ADCY9: variants seen among roughly 807,000 people sequenced by gnomAD.
The protein encoded by ADCY9 is adenylate cyclase type 9.
A neutral mutation model predicts 101.5 loss-of-function variants in ADCY9; 50 were observed. The observed-to-expected ratio is 0.49, with a 90% CI of 0.39 to 0.62. The LOEUF (loss-of-function observed/expected upper bound fraction) is 0.62. ADCY9 is among the 20% of genes least tolerant of loss of function. ADCY9 has a pLI of 0.00. For missense variants in ADCY9, 1,662 were observed against 1,800.4 expected (o/e 0.92, Z 1.39); for synonymous variants, 905 against 769.3 (o/e 1.18, Z -2.92).
chr16:3,955,967 A>T (rs2055904242), intron 5 of ADCY9, among the ~76,000 whole-genome samples: 1 of 152,146 alleles, frequency 6.6e-6, no homozygotes, highest in Non-Finnish European at 1.5e-5. Flanking sequence ...CGCTCAAGCG[A>T]TCCTCCCAAC....
At chr16:4,057,953 G>C (rs188876797) in intron 2 of ADCY9, among the ~76,000 whole-genome samples, 2 of 152,190 alleles carry the variant, frequency 1.3e-5, no homozygotes, top group East Asian at 3.9e-4. Context: ...CAGGTCAAGA[G>C]TTCGAGACCA....
rs957340300 is a variant in ADCY9 at position 4,050,867 on chromosome 16, G to A, written c.1694-43309C>T. On this transcript the variant is annotated intron_variant, in intron 2 of 10. Coordinates refer to ENST00000294016, the MANE Select transcript of ADCY9 (RefSeq NM_001116.4). ...AGGAACCAGGGCTTATTGGAGAAATGGCTGATTCCAGGGCTGGAGCAAGGA... is the reference window on the plus strand; with the variant it reads ...AGGAACCAGGGCTTATTGGAGAAATAGCTGATTCCAGGGCTGGAGCAAGGA... Among the ~76,000 whole-genome samples, 4 of 152,156 alleles carry A rather than the reference G, an allele frequency of 2.6e-5. No homozygotes were observed. The East Asian group carries it at 7.7e-4, about 29-fold the overall frequency.
chr16:4,023,689 G>A (rs975583995), intron 2 of ADCY9, among the ~76,000 whole-genome samples: 3 of 152,172 alleles, frequency 2.0e-5, no homozygotes, highest in Non-Finnish European at 4.4e-5. Context: ...GAGGTAGGCG[G>A]ATCACTTGAG....
At position 3,989,019 on chromosome 16, in the gene ADCY9, G is replaced by T; in HGVS notation, c.2285C>A (p.Ser762Tyr). Residue 762 changes from serine (S) to tyrosine (Y), a missense_variant, in exon 6 of 11, where the codon TCC (serine) becomes TAC (tyrosine). By Grantham distance (144) the Ser-to-Tyr change is moderately radical. Coordinates refer to ENST00000294016, the MANE Select transcript of ADCY9 (RefSeq NM_001116.4). Reference sequence around the variant, plus strand: ...CTCTTCCTGATAGCTGGTCCTGTAGGATCGCTCCAGCTCCTGATCCAGGAA... The same window carrying T: ...CTCTTCCTGATAGCTGGTCCTGTAGTATCGCTCCAGCTCCTGATCCAGGAA... Reference protein sequence around the residue: ...LNFLDQELERSYRTSYQEEVI... With the variant: ...LNFLDQELERYYRTSYQEEVI... 6.2e-7 allele frequency: 1 copy of T among 1,613,842 alleles called. No individual in the cohort carries two copies.
intron 6 of ADCY9, among the ~76,000 whole-genome samples, chr16:3,988,391 G>C (rs1259122774): frequency 6.6e-6 from 1 of 151,660 alleles, no homozygotes; most frequent in East Asian, 1.9e-4. Context: ...CTCCAGGACA[G>C]GTGGGACGGG....
chr16:4,074,056 T>C (rs539235378), intron 2 of ADCY9, among the ~76,000 whole-genome samples: 2 of 152,300 alleles, frequency 1.3e-5, no homozygotes, highest in South Asian at 2.1e-4. Flanking sequence ...TACCATATTG[T>C]ATAGTCTAGA....
In ADCY9 at chr16:3,977,392, G is replaced by A. The variant is rs2056100921; in HGVS notation, c.2828+90C>T. ...GGGAAATATCTCTATCGGGGCGTGAGAAGCAATGTGCAAATGCAGCCAGGC... is the reference window on the plus strand; with the variant it reads ...GGGAAATATCTCTATCGGGGCGTGAAAAGCAATGTGCAAATGCAGCCAGGC... On this transcript the variant is annotated intron_variant, in intron 9 of 10. Transcript: ENST00000294016. 4.1e-6 allele frequency: 6 copies of A among 1,469,308 alleles called. No individual in the cohort carries two copies. The African/African-American group carries it at 8.4e-5, about 21-fold the overall frequency. 91.0% of individuals were successfully genotyped at this position (1,469,308 alleles called of 1,614,324 possible).
chr16:4,111,148 G>A (rs1235251760), intron 2 of ADCY9, among the ~76,000 whole-genome samples: 6 of 152,188 alleles, frequency 3.9e-5, no homozygotes, highest in African/African-American at 1.4e-4. Flanking sequence ...GTGCTCCCAG[G>A]CTAGTTCTAG....
Position 4,078,741 on chromosome 16 carries a change from T to C in ADCY9, c.1693+35009A>G, listed in dbSNP as rs958074454. Among the ~76,000 whole-genome samples, 10 of 152,050 alleles carry C rather than the reference T, an allele frequency of 6.6e-5. No homozygotes were observed. In the South Asian group the frequency reaches 8.3e-4, roughly 13 times the overall value. On this transcript the variant is annotated intron_variant, in intron 2 of 10. Transcript: ENST00000294016. Reference sequence around the variant, plus strand: ...TTAAATTTCCACATATCAAGAAATATCACGATTGAAAGACAAATTAGAAAA... The same window carrying C: ...TTAAATTTCCACATATCAAGAAATACCACGATTGAAAGACAAATTAGAAAA...
chr16:4,087,033 C>A (rs2056943364), intron 2 of ADCY9, among the ~76,000 whole-genome samples: 1 of 152,050 alleles, frequency 6.6e-6, no homozygotes, highest in Non-Finnish European at 1.5e-5. Context: ...AGGAGCTCAC[C>A]TGAACCCTAT....
intron 3 of ADCY9, among the ~76,000 whole-genome samples, chr16:4,006,878 C>T (rs1031951535): frequency 1.3e-5 from 2 of 152,164 alleles, no homozygotes; most frequent in African/African-American, 4.8e-5. Flanking sequence ...ACAATGTTCT[C>T]GGCAGCCTGT....
chr16:4,032,987 C>T (rs1213945484), intron 2 of ADCY9: 1 of 152,288 alleles, frequency 6.6e-6, no homozygotes, highest in African/African-American at 2.4e-5. Context: ...CCCGCCCCAC[C>T]ACGTGGCAAC....
At chr16:3,974,612 C>T in intron 10 of ADCY9, 57 bp downstream of exon 10, 1 of 1,415,542 alleles carries the variant, frequency 7.1e-7, no homozygotes, top group East Asian at 2.3e-5. Flanking sequence ...TCGAAATGGG[C>T]AGGGTAATAC....
chr16:4,079,571 A>T (rs1567139762), intron 2 of ADCY9, among the ~76,000 whole-genome samples: 25 of 152,240 alleles, frequency 1.6e-4, no homozygotes, highest in South Asian at 2.1e-4. Context: ...TCTGTCTCAA[A>T]AAAATAAAAT....
At chr16:4,078,832 T>C (rs1196579972) in intron 2 of ADCY9, among the ~76,000 whole-genome samples, 1 of 152,026 alleles carries the variant, frequency 6.6e-6, no homozygotes, top group Non-Finnish European at 1.5e-5. Context: ...TAAAGAACTT[T>C]CACAAATCAG....
chr16:3,961,885 G>A (rs141044710), downstream of ADCY9, among the ~76,000 whole-genome samples: 709 of 152,224 alleles, frequency 4.7e-3, 3 homozygotes, highest in African/African-American at 0.016. Context: ...AATTACCCGG[G>A]TGTGGTGGTA....
Position 4,099,121 on chromosome 16 carries a change from C to T in ADCY9, c.1693+14629G>A, listed in dbSNP as rs576679487. 4.6e-5 allele frequency among the ~76,000 whole-genome samples: 7 copies of T among 151,892 alleles called. No individual in the cohort carries two copies. The South Asian group carries it at 1.5e-3, about 32-fold the overall frequency. ...CTAATTTTTGTATTTCCAGTACAGA[C>T]AGGGTTTCCCCATGTTGGCCAGGCT... On this transcript the variant is annotated intron_variant, in intron 2 of 10. Coordinates refer to ENST00000294016, the MANE Select transcript of ADCY9 (RefSeq NM_001116.4).
At position 4,114,329 on chromosome 16, in the gene ADCY9, T is replaced by C. The variant is rs773061605; in HGVS notation, c.1114A>G (p.Lys372Glu). The change falls in exon 2 of 11, where the codon AAG becomes GAG. Residue 372 changes from lysine to glutamate, a missense_variant. By Grantham distance (56) the Lys-to-Glu change is moderately conservative (BLOSUM62 1). This residue lies in a region of ADCY9 where 228 missense variants were observed against 301.1 expected (regional missense o/e 0.76). Transcript: ENST00000294016. This position sits in a 1 kb window ranked among gnomAD's most constrained non-coding sequence, Gnocchi z 4.3. ...ATSSPKNRKK[K>E]SSIQKAPIAF... ...ATAGGAGCTTTTTGGATGGAAGACT[T>C]TTTCTTCCTGTTCTTGGGGCTCGAG... 6.2e-7 allele frequency: 1 copy of C among 1,613,966 alleles called. No individual in the cohort carries two copies.
At chr16:4,078,985 T>C (rs767944271) in intron 2 of ADCY9, among the ~76,000 whole-genome samples, 43 of 152,234 alleles carry the variant, frequency 2.8e-4, no homozygotes, top group Admixed American at 1.3e-4. Context: ...ACTGTTATAA[T>C]TGACAATATT....
Sources: gnomAD v4.1 joint callset for allele counts (sites outside exome capture counted in the v4.1 genomes callset) on GRCh38, gnomAD v4.1.1 for gene constraint, gnomAD v4.1.1 regional missense constraint, Gnocchi (gnomAD v3.1) non-coding constraint, MANE v1.5 for transcripts, NCBI Gene and HGNC (gene_info 2026-07-23, HGNC 2026-07-21) for gene names.